The following C12orf56 variants were observed in gnomAD, a reference collection of about 807,000 sequenced individuals.
C12orf56 encodes uncharacterized protein C12orf56.
Under a neutral mutation model 69.9 loss-of-function variants are expected in C12orf56, and 71 were observed. That is an observed-to-expected ratio of 1.02 (90% CI 0.84 to 1.24). The LOEUF (loss-of-function observed/expected upper bound fraction) is 1.24. Ranked by LOEUF, C12orf56 falls within the 50% of genes most tolerant of loss-of-function variation. The pLI is 0.00. For missense variants in C12orf56, 732 were observed against 738.5 expected (o/e 0.99, Z 0.10); for synonymous variants, 276 against 274.1 (o/e 1.01, Z -0.07).
At position 64,267,120 on chromosome 12, in the gene C12orf56, A is replaced by C. The variant is rs1395594106; in HGVS notation, c.*63T>G. 1 of 1,201,762 alleles carries C rather than the reference A, an allele frequency of 8.3e-7. No homozygotes were observed. The highest frequency in any genetic ancestry group is 2.6e-5 in the East Asian group (1 of 38,696). The allele number at this position is 1,201,762 out of a possible 1,614,324, so 74.4% of individuals were successfully genotyped here. A position where few individuals can be genotyped will look rare whatever the true frequency, so the allele number is the denominator to read the frequency against. ...ACAAATAAAAAAATGTTTCTCGTGAATATCAAGTTGACTCTTGATTAACAT... is the reference window on the plus strand; with the variant it reads ...ACAAATAAAAAAATGTTTCTCGTGACTATCAAGTTGACTCTTGATTAACAT... On this transcript the variant is annotated 3_prime_UTR_variant, in exon 13 of 13. Transcript: ENST00000543942.
chr12:64,280,813 A>G (rs895466744), intron 8 of C12orf56, among the ~76,000 whole-genome samples: 2 of 152,192 alleles, frequency 1.3e-5, no homozygotes, highest in African/African-American at 4.8e-5. Context: ...GCCTCAGATG[A>G]GACTATGGCC....
chr12:64,328,689 AAAAAAAAAAAAAAAAAAATATATAT>A (rs1263806994), intron 3 of C12orf56, among the ~76,000 whole-genome samples: 1 of 20,328 alleles, frequency 4.9e-5, no homozygotes, highest in African/African-American at 1.4e-4. Context: ...CAAAAAAAAA[AAAAAAAAAAAAAAAAAAATATATAT>A]ATATATATAT....
At chr12:64,361,553 A>G (rs1336054444) in intron 1 of C12orf56, among the ~76,000 whole-genome samples, 3 of 152,204 alleles carry the variant, frequency 2.0e-5, no homozygotes, top group Non-Finnish European at 4.4e-5. Flanking sequence ...CATTCCCACC[A>G]GTGCCACGAC....
At chr12:64,276,005 C>G (rs61630043) in intron 9 of C12orf56, among the ~76,000 whole-genome samples, 2 of 128,588 alleles carry the variant, frequency 1.6e-5, no homozygotes, top group Admixed American at 7.3e-5. Flanking sequence ...ATACACACCC[C>G]CCCCCGCGAG....
At chr12:64,285,778 ACT>A (rs61493366) in intron 7 of C12orf56, among the ~76,000 whole-genome samples, 174 bp downstream of exon 7, 2,590 of 152,222 alleles carry the variant, frequency 0.017, 68 homozygotes, top group African/African-American at 0.058. Context: ...ACAGAGCGAG[ACT>A]CTGTCTCAAG....
At chr12:64,342,730 C>T (rs1013034781) in intron 2 of C12orf56, among the ~76,000 whole-genome samples, 9 of 152,196 alleles carry the variant, frequency 5.9e-5, no homozygotes, top group Non-Finnish European at 1.0e-4. Context: ...CATGGTCAAA[C>T]GTTCAGTTTC....
At chr12:64,353,885 G>C (rs1332974148) in intron 1 of C12orf56, among the ~76,000 whole-genome samples, 1 of 151,848 alleles carries the variant, frequency 6.6e-6, no homozygotes, top group Non-Finnish European at 1.5e-5. Flanking sequence ...TTCACCATGT[G>C]GGACAGGCTG....
chr12:64,370,281 G>T (rs1169784682), intron 1 of C12orf56, among the ~76,000 whole-genome samples: 1 of 151,560 alleles, frequency 6.6e-6, no homozygotes, highest in African/African-American at 2.4e-5. Flanking sequence ...GGAGGCGGAG[G>T]TTGCAATGAG....
intron 2 of C12orf56, among the ~76,000 whole-genome samples, chr12:64,338,978 T>C (rs2039035263): frequency 1.3e-5 from 2 of 152,192 alleles, no homozygotes; most frequent in African/African-American, 4.8e-5. Flanking sequence ...AAAATAAATC[T>C]TGTCTTCCAT....
intron 5 of C12orf56, among the ~76,000 whole-genome samples, chr12:64,308,492 A>C (rs549041107): frequency 2.6e-5 from 4 of 152,204 alleles, no homozygotes; most frequent in South Asian, 4.1e-4. Flanking sequence ...CAAGCAATAA[A>C]ATTTTTTATT....
Position 64,328,659 on chromosome 12 carries a change from G to A in C12orf56, c.488+2301C>T, listed in dbSNP as rs548449294. Among the ~76,000 whole-genome samples the A allele has an allele frequency of 1.5e-3, 179 of 116,090 alleles. 1 individual carries two copies. The highest frequency in any genetic ancestry group is 2.5e-3 in the Non-Finnish European group (152 of 59,700). 76.2% of individuals were successfully genotyped at this position (116,090 alleles called of 152,430 possible). ...CGAGCCACTGCACTCCAGCCTGGGC[G>A]ACAGTGCAAGACTCCATCTCAAAAA... On this transcript the variant is annotated intron_variant, in intron 3 of 12. Transcript: ENST00000543942.
intron 5 of C12orf56, among the ~76,000 whole-genome samples, chr12:64,311,291 C>G (rs574319987): frequency 1.3e-5 from 2 of 151,346 alleles, no homozygotes; most frequent in East Asian, 3.9e-4. Context: ...AAAAATTAGC[C>G]GGGCATGGCT....
chr12:64,383,920 T>G (rs1430629552), intron 1 of C12orf56, among the ~76,000 whole-genome samples: 1 of 152,208 alleles, frequency 6.6e-6, no homozygotes, highest in Non-Finnish European at 1.5e-5. Flanking sequence ...GTGAGCTAAC[T>G]GCTGTAATAG....
intron 3 of C12orf56, among the ~76,000 whole-genome samples, chr12:64,325,199 A>G (rs986463935): frequency 6.6e-6 from 1 of 152,142 alleles, no homozygotes; most frequent in Non-Finnish European, 1.5e-5. Flanking sequence ...CCCAGTCAGC[A>G]TGTGTTAAGA....
Position 64,390,452 on chromosome 12 carries a change from T to A in C12orf56, c.114A>T (p.Pro38=). The A allele has an allele frequency of 1.2e-6, 2 of 1,610,444 alleles. No individual in the cohort carries two copies. The highest frequency in any genetic ancestry group is 1.7e-6 in the Non-Finnish European group (2 of 1,179,698). Residue 38 remains proline (P), a synonymous_variant, in exon 1 of 13, where the codon CCA becomes CCT. Coordinates refer to ENST00000543942, the MANE Select transcript of C12orf56 (RefSeq NM_001170633.2). ...TCTCAGAGTTGGACACCACGATGCA[T>A]GGCTCGTAGGCGCGGACCGCGTCGT... is the stretch of plus-strand genomic sequence containing the variant. ...EVYDAVRAYE[P]CIVVSNSENH...
intron 1 of C12orf56, among the ~76,000 whole-genome samples, chr12:64,354,465 T>G (rs900233915): frequency 2.0e-5 from 3 of 151,960 alleles, no homozygotes; most frequent in African/African-American, 7.3e-5. Flanking sequence ...CTCTCTTTTT[T>G]TTTTATTTTG....
rs1424391380 is a variant in C12orf56, at chr12:64,365,786, A to G, written c.253-12730T>C. ...TTTATATAATACATATAATAAATAT[A>G]TAATGTATATATTATGTATAATATA... is the stretch of plus-strand genomic sequence containing the variant. On this transcript the variant is annotated intron_variant, in intron 1 of 12. Coordinates refer to ENST00000543942, the MANE Select transcript of C12orf56 (RefSeq NM_001170633.2). Among the ~76,000 whole-genome samples, 6 of 141,934 alleles carry G rather than the reference A, an allele frequency of 4.2e-5. No individual in the cohort carries two copies. In the South Asian group the frequency reaches 1.3e-3, roughly 30 times the overall value. 93.1% of individuals were successfully genotyped at this position (141,934 alleles called of 152,430 possible). A position where few individuals can be genotyped will look rare whatever the true frequency, so the allele number is the denominator to read the frequency against.
At chr12:64,347,826 A>G (rs1173014862) in intron 2 of C12orf56, among the ~76,000 whole-genome samples, 2 of 152,240 alleles carry the variant, frequency 1.3e-5, no homozygotes. Flanking sequence ...TTATTGGCAA[A>G]ATGCAGATGT....
chr12:64,270,654 G>A lies in C12orf56; in HGVS notation c.1645C>T (p.Leu549=), dbSNP rs751288206. The part of the protein sequence containing the change: ...VVRGLSASFQ[L]LSPCQAVLLY... ...AGAACTGCTTGGCAGGGACTTAGCA[G>A]CTGAAATGAAGCTGAAAGACCCCTC... Residue 549 remains leucine (L), a synonymous_variant, in exon 12 of 13, where the codon CTG becomes TTG. Transcript: ENST00000543942. The A allele has an allele frequency of 3.7e-6, 6 of 1,613,714 alleles. No individual in the cohort carries two copies. In the East Asian group the frequency reaches 1.3e-4, roughly 36 times the overall value.
Sources: gnomAD v4.1 joint callset for allele counts (sites outside exome capture counted in the v4.1 genomes callset) on GRCh38, gnomAD v4.1.1 for gene constraint, MANE v1.5 for transcripts, NCBI Gene and HGNC (gene_info 2026-07-23, HGNC 2026-07-21) for gene names.